IFT46: variants seen among roughly 807,000 people sequenced by gnomAD.
IFT46 encodes the protein intraflagellar transport 46.
In IFT46, 19 loss-of-function variants were observed where a neutral mutation model predicts 39.6. The observed-to-expected ratio is 0.48, with a 90% CI of 0.33 to 0.70. The LOEUF is 0.70. Ranked by LOEUF, IFT46 falls within the 30% of genes least tolerant of loss-of-function variation. The pLI is 0.01. For missense variants in IFT46, 334 were observed against 364.8 expected (o/e 0.92, Z 0.69); for synonymous variants, 117 against 134.8 (o/e 0.87, Z 0.91).
chr11:118,552,425 T>C, intron 7 of IFT46, 90 bp from the exon 8 acceptor site: 1 of 1,491,522 alleles, frequency 6.7e-7, no homozygotes, highest in Non-Finnish European at 9.1e-7. Context: ...CTGTTTCATA[T>C]TCGAGCTTGC....
In IFT46 at chr11:118,559,862, G is replaced by A. The variant is rs1217991316; in HGVS notation, c.-33C>T. On this transcript the variant is annotated splice_region_variant and 5_prime_UTR_variant, in exon 3 of 12. Transcript: ENST00000264021. ...TTAGGAAGATGGGCAGAACGAGGAA[G>A]TCCTTAGAAAAAAAGTTTTTCCTTT... The A allele has an allele frequency of 1.3e-6, 2 of 1,590,930 alleles. No homozygotes were observed. The highest frequency in any genetic ancestry group is 1.7e-6 in the Non-Finnish European group (2 of 1,162,538).
At chr11:118,573,745 T>C (rs1938413968), upstream of IFT46, 2 of 681,760 alleles carry the variant, frequency 2.9e-6, no homozygotes, top group East Asian at 5.5e-5. Context: ...GAATTCATGC[T>C]TGGACTTTAG....
upstream of IFT46, among the ~76,000 whole-genome samples, chr11:118,569,254 G>A (rs181959018): frequency 3.7e-3 from 564 of 151,350 alleles, 5 homozygotes; most frequent in African/African-American, 0.013. Context: ...ACTCCAGCCC[G>A]GGCAACAAAA....
intron 2 of IFT46, among the ~76,000 whole-genome samples, chr11:118,562,434 T>C (rs1938091212): frequency 6.6e-6 from 1 of 151,736 alleles, no homozygotes. Flanking sequence ...AGCAAAACTC[T>C]GTCTCTATAA....
chr11:118,556,821 T>G, intron 4 of IFT46, 85 bp downstream of exon 4: 1 of 1,423,350 alleles, frequency 7.0e-7, no homozygotes, highest in Admixed American at 2.4e-5. Flanking sequence ...TGCTGGAATT[T>G]CACTTCTAAC....
intron 4 of IFT46, 67 bp from the exon 5 acceptor site, chr11:118,555,389 C>T: frequency 8.4e-7 from 1 of 1,184,040 alleles, no homozygotes; most frequent in Non-Finnish European, 1.3e-6. Flanking sequence ...GTCCTAGGTG[C>T]TGGTGTGTTA....
upstream of IFT46, among the ~76,000 whole-genome samples, chr11:118,567,754 G>A (rs782648932): frequency 4.2e-4 from 64 of 152,294 alleles, no homozygotes; most frequent in Non-Finnish European, 6.9e-4. Context: ...TGTTTTGCTC[G>A]TAATAGTGGA....
chr11:118,555,158 A>G, intron 5 of IFT46, 75 bp from the exon 6 acceptor site: 2 of 1,534,666 alleles, frequency 1.3e-6, no homozygotes, highest in East Asian at 4.5e-5. Context: ...AAAAAAATCT[A>G]AGGGGAATGG....
intron 3 of IFT46, chr11:118,557,858 G>A (rs1555069860): frequency 6.2e-7 from 1 of 1,609,310 alleles, no homozygotes. Context: ...TGCCTCTGTG[G>A]CCTGGAGCCT....
chr11:118,567,846 C>A (rs1938263015), upstream of IFT46, among the ~76,000 whole-genome samples: 1 of 152,198 alleles, frequency 6.6e-6, no homozygotes, highest in Non-Finnish European at 1.5e-5. Flanking sequence ...TAATTTACTT[C>A]ACAACCTTAT....
chr11:118,562,619 C>T (rs74684651), intron 2 of IFT46, among the ~76,000 whole-genome samples: 1,622 of 152,144 alleles, frequency 0.011, 31 homozygotes, highest in African/African-American at 0.037. Flanking sequence ...AGCATAAACA[C>T]GCTCAAGTCA....
intron 1 of IFT46, chr11:118,572,293 G>A (rs941860988): frequency 5.9e-6 from 3 of 509,150 alleles, no homozygotes; most frequent in South Asian, 5.9e-5. Flanking sequence ...TACACCTCCT[G>A]GGCTTAATCG....
Position 118,545,593 on chromosome 11 carries a change from C to T in IFT46, c.734-99G>A, listed in dbSNP as rs1214483050. The T allele has an allele frequency of 4.3e-5, 50 of 1,150,168 alleles. No individual in the cohort carries two copies. In the East Asian group the frequency reaches 6.6e-4, roughly 15 times the overall value. 71.2% of individuals were successfully genotyped at this position (1,150,168 alleles called of 1,614,324 possible). On this transcript the variant is annotated intron_variant, in intron 10 of 11. Coordinates refer to ENST00000264021, the MANE Select transcript of IFT46 (RefSeq NM_001168618.2). ...GGCAAAGCCCTGGCAGATGGGGTGT[C>T]GCTATGACTTTGGGGGTTAAATACC...
chr11:118,563,543 T>G (rs1418637347), intron 2 of IFT46, among the ~76,000 whole-genome samples: 1 of 152,190 alleles, frequency 6.6e-6, no homozygotes, highest in African/African-American at 2.4e-5. Flanking sequence ...GACAATGTCT[T>G]ATACCGTATT....
At chr11:118,549,694 A>T (rs954124862) in intron 9 of IFT46, among the ~76,000 whole-genome samples, 3 of 150,632 alleles carry the variant, frequency 2.0e-5, no homozygotes, top group African/African-American at 7.3e-5. Context: ...CTGGCTAATT[A>T]TTGTATTTCT....
At position 118,559,809 on chromosome 11, in the gene IFT46, A is replaced by G; in HGVS notation, c.21T>C (p.Asp7=). 1 of 1,613,616 alleles carries G rather than the reference A, an allele frequency of 6.2e-7. No homozygotes were observed. The highest frequency in any genetic ancestry group is 8.5e-7 in the Non-Finnish European group (1 of 1,179,520). Residue 7 remains aspartate, a synonymous_variant, in exon 3 of 12, where the codon GAT becomes GAC. Transcript: ENST00000264021. ...CCTTGTTATTTTCCTCTTCACACTCATCACTGCTGTTATCAGCCATAGCCT... is the reference window on the plus strand; with the variant it reads ...CCTTGTTATTTTCCTCTTCACACTCGTCACTGCTGTTATCAGCCATAGCCT... MADNSS[D]ECEEENNKEK... is the part of the protein sequence containing the mutation.
At chr11:118,547,721 T>C (rs1591358793) in intron 9 of IFT46, among the ~76,000 whole-genome samples, 1 of 131,014 alleles carries the variant, frequency 7.6e-6, no homozygotes, top group East Asian at 2.4e-4. Flanking sequence ...CGTGTCCAGC[T>C]CCTTTTACTT....
At chr11:118,572,704 G>T in exon 1 of IFT46, 3 of 869,516 alleles carry the variant, frequency 3.5e-6, no homozygotes, top group Non-Finnish European at 5.2e-6. Flanking sequence ...GGCCTCCTGT[G>T]CCCGGTCTCC....
chr11:118,565,391 G>A (rs533482731), intron 1 of IFT46, among the ~76,000 whole-genome samples: 1 of 150,378 alleles, frequency 6.6e-6, no homozygotes, highest in African/African-American at 2.5e-5. Flanking sequence ...AGATGGCCAA[G>A]GCTGTTGAGG....
Sources: allele counts gnomAD v4.1 joint callset (sites outside exome capture counted in the v4.1 genomes callset), GRCh38; gene constraint gnomAD v4.1.1; transcripts MANE v1.5; gene names NCBI Gene and HGNC (gene_info 2026-07-23, HGNC 2026-07-21).